ADA2: variants seen among roughly 807,000 people sequenced by gnomAD.
ADA2 encodes the protein adenosine deaminase CECR1.
Under a neutral mutation model 44.2 loss-of-function variants are expected in ADA2, and 29 were observed. The ratio of observed to expected loss-of-function variants is 0.66; its 90% CI spans 0.49 to 0.89. ADA2 has a LOEUF of 0.89. Among genes scored for constraint, ADA2 ranks in the 40% least tolerant of loss-of-function variants. The probability of loss-of-function intolerance (pLI) is 0.00; values close to 1 mark genes in which losing one functional copy is unlikely to be tolerated. For missense variants in ADA2, 637 were observed against 644.8 expected (o/e 0.99, Z 0.13); for synonymous variants, 215 against 234.9 (o/e 0.92, Z 0.77).
At chr22:17,199,560 T>A in intron 4 of ADA2, 5 of 1,609,818 alleles carry the variant, frequency 3.1e-6, no homozygotes, top group Non-Finnish European at 2.5e-6. Context: ...AGAGCCCAGT[T>A]CCATTCCAGG....
chr22:17,186,847 T>A (rs1248171829), intron 7 of ADA2, among the ~76,000 whole-genome samples: 1 of 150,028 alleles, frequency 6.7e-6, no homozygotes, highest in Non-Finnish European at 1.5e-5. Flanking sequence ...CCAGCCTGGG[T>A]GACAGAGTGA....
At chr22:17,215,984 C>T (rs554646527) in intron 1 of ADA2, among the ~76,000 whole-genome samples, 4 of 151,526 alleles carry the variant, frequency 2.6e-5, no homozygotes, top group Non-Finnish European at 4.4e-5. Context: ...GTCAGGAGTT[C>T]GAGACCAGCC....
chr22:17,181,226 A>G lies in ADA2; in HGVS notation c.*257T>C, dbSNP rs1302668150. ...TGAGGAAACAGCACAGAGATCAGAG[A>G]GAGGAGAAGACTCTGAAATAGGGAA... On this transcript the variant is annotated 3_prime_UTR_variant, in exon 10 of 10. Transcript: ENST00000399837. 1 of 441,510 alleles carries G rather than the reference A, an allele frequency of 2.3e-6. No homozygotes were observed. The highest frequency in any genetic ancestry group is 4.5e-5 in the East Asian group (1 of 22,062). The allele number at this position is 441,510 out of a possible 1,614,324, so 27.3% of individuals were successfully genotyped here.
At chr22:17,205,905 C>G (rs996822269) in intron 3 of ADA2, among the ~76,000 whole-genome samples, 2 of 148,696 alleles carry the variant, frequency 1.3e-5, no homozygotes, top group African/African-American at 5.2e-5. Context: ...GAGGCTGACA[C>G]AGGAGGATTG....
chr22:17,182,557 G>A, intron 8 of ADA2, 47 bp downstream of exon 8: 2 of 1,588,978 alleles, frequency 1.3e-6, no homozygotes, highest in Non-Finnish European at 8.6e-7. Flanking sequence ...AGCAGAGGTT[G>A]TGGTTAGGGG....
intron 4 of ADA2, among the ~76,000 whole-genome samples, chr22:17,195,299 C>T (rs1218482893): frequency 5.9e-5 from 9 of 152,008 alleles, no homozygotes; most frequent in Non-Finnish European, 1.0e-4. Context: ...CAGATCACCT[C>T]GGGCAAATCA....
At chr22:17,199,641 C>G in intron 4 of ADA2, 2 of 1,613,524 alleles carry the variant, frequency 1.2e-6, no homozygotes, top group Non-Finnish European at 1.7e-6. Flanking sequence ...TTGAGGTGGG[C>G]GTGGCTATTA....
intron 7 of ADA2, among the ~76,000 whole-genome samples, chr22:17,185,007 T>TATATATATATATA (rs1568969005): frequency 7.3e-6 from 1 of 136,562 alleles, no homozygotes; most frequent in Non-Finnish European, 1.6e-5. Flanking sequence ...TATATATATA[T>TATATATATATATA]GAAAACTCCA....
chr22:17,221,264 G>A (rs2062520920), upstream of ADA2, among the ~76,000 whole-genome samples: 1 of 151,116 alleles, frequency 6.6e-6, no homozygotes, highest in Admixed American at 6.6e-5. Context: ...CACCAATTCT[G>A]AAAGTAAATC....
chr22:17,188,621 T>G (rs1249286486), intron 6 of ADA2, 174 bp from the exon 7 acceptor site: 9 of 491,798 alleles, frequency 1.8e-5, no homozygotes, highest in Non-Finnish European at 3.3e-5. Context: ...GGCTCACACC[T>G]GTAATCCCAG....
At chr22:17,199,581 C>A in intron 4 of ADA2, 1 of 1,614,106 alleles carries the variant, frequency 6.2e-7, no homozygotes, top group Non-Finnish European at 8.5e-7. Context: ...GAATCCATCT[C>A]CCCTCCGGAA....
In ADA2 at chr22:17,188,376, G is replaced by A. The variant is rs760030241; in HGVS notation, c.1044C>T (p.Gly348=). 9.3e-6 allele frequency: 15 copies of A among 1,613,952 alleles called. No individual in the cohort carries two copies. Among genetic ancestry groups the A allele is most frequent in the African/African-American group, 6.7e-5 (5 of 74,926 alleles). The part of the protein sequence containing the change: ...KEALMIPAKD[G]VKLPYFFHAG... ...CGTGGAAGAAGTAAGGCAGCTTAAC[G>A]CCATCCTTGGCGGGGATCATCAGAG... The change falls in exon 7 of 10, where the codon GGC becomes GGT. Residue 348 remains glycine, a synonymous_variant. Transcript: ENST00000399837.
intron 7 of ADA2, among the ~76,000 whole-genome samples, chr22:17,184,283 G>C (rs2062010562): frequency 6.6e-6 from 1 of 152,156 alleles, no homozygotes; most frequent in South Asian, 2.1e-4. Flanking sequence ...CTTTCTTGCA[G>C]CTAGGGCCCT....
At chr22:17,201,036 C>G (rs537945123) in intron 4 of ADA2, among the ~76,000 whole-genome samples, 18 of 151,732 alleles carry the variant, frequency 1.2e-4, no homozygotes, top group Non-Finnish European at 1.8e-4. Flanking sequence ...ATGGTGAAAC[C>G]CCATTTACTG....
At chr22:17,192,829 GAA>G (rs35262317) in intron 4 of ADA2, 683 of 303,048 alleles carry the variant, frequency 2.3e-3, no homozygotes, top group Middle Eastern at 4.5e-3. Flanking sequence ...ACTCTGTCTC[GAA>G]AAAAAAAAAG....
At chr22:17,211,139 A>T (rs1158703273) in intron 1 of ADA2, among the ~76,000 whole-genome samples, 2 of 152,030 alleles carry the variant, frequency 1.3e-5, no homozygotes, top group African/African-American at 4.8e-5. Flanking sequence ...AGGCGGGTGG[A>T]TCACGAGGTC....
At chr22:17,197,576 T>C (rs2062208832) in intron 4 of ADA2, among the ~76,000 whole-genome samples, 1 of 152,212 alleles carries the variant, frequency 6.6e-6, no homozygotes, top group East Asian at 1.9e-4. Flanking sequence ...TGGCCAGTAC[T>C]GGCAGTTTCA....
intron 1 of ADA2, chr22:17,214,101 C>T: frequency 1.5e-6 from 1 of 658,768 alleles, no homozygotes; most frequent in East Asian, 3.9e-5. Flanking sequence ...AGGACTTCAA[C>T]AGACACCTGG....
At chr22:17,186,436 G>C (rs2123623171) in intron 7 of ADA2, among the ~76,000 whole-genome samples, 1 of 151,928 alleles carries the variant, frequency 6.6e-6, no homozygotes, top group East Asian at 1.9e-4. Context: ...ACAAAAATTA[G>C]CCGGGTGTGT....
Sources: allele counts gnomAD v4.1 joint callset (sites outside exome capture counted in the v4.1 genomes callset), GRCh38; gene constraint gnomAD v4.1.1; transcripts MANE v1.5; gene names NCBI Gene and HGNC (gene_info 2026-07-23, HGNC 2026-07-21).